The following FOXJ3 variants were observed in gnomAD, a reference collection of about 807,000 sequenced individuals.
FOXJ3 encodes the protein forkhead box J3, also known as forkhead box protein J3.
Under a neutral mutation model 76.1 loss-of-function variants are expected in FOXJ3, and 22 were observed. That is an observed-to-expected ratio of 0.29 (90% CI 0.21 to 0.41). FOXJ3 has a LOEUF of 0.41. Ranked by LOEUF, FOXJ3 falls within the 10% of genes least tolerant of loss-of-function variation. The probability of loss-of-function intolerance (pLI) is 1.00; values close to 1 mark genes in which losing one functional copy is unlikely to be tolerated. For synonymous variants in FOXJ3, 269 were observed against 261.2 expected (o/e 1.03, Z -0.29); for missense variants, 613 against 762.1 (o/e 0.80, Z 2.30).
At chr1:42,290,494 T>C (rs1377199766) in intron 2 of FOXJ3, among the ~76,000 whole-genome samples, 1 of 152,080 alleles carries the variant, frequency 6.6e-6, no homozygotes, top group Non-Finnish European at 1.5e-5. Flanking sequence ...ACTATTTGGG[T>C]TGTTCACTAA....
intron 2 of FOXJ3, among the ~76,000 whole-genome samples, chr1:42,280,789 T>C (rs534353397): frequency 2.0e-4 from 30 of 152,312 alleles, no homozygotes; most frequent in African/African-American, 6.5e-4. Flanking sequence ...TGTAAAGTAT[T>C]CAGAACAGTG....
At chr1:42,324,100 C>A (rs1326908511) in intron 1 of FOXJ3, among the ~76,000 whole-genome samples, 1 of 57,494 alleles carries the variant, frequency 1.7e-5, no homozygotes, top group Non-Finnish European at 3.6e-5. Context: ...TGTATATATA[C>A]TGTGTATATA....
chr1:42,216,241 G>C (rs948233071), intron 5 of FOXJ3, among the ~76,000 whole-genome samples: 1 of 152,014 alleles, frequency 6.6e-6, no homozygotes, highest in Non-Finnish European at 1.5e-5. Context: ...TACTGTTGCC[G>C]GGCGCGGTGG....
intron 4 of FOXJ3, among the ~76,000 whole-genome samples, chr1:42,264,767 G>A (rs1422467614): frequency 2.0e-5 from 3 of 152,106 alleles, no homozygotes; most frequent in African/African-American, 4.8e-5. Flanking sequence ...TTATTCCAGT[G>A]TAAGAATACT....
intron 2 of FOXJ3, among the ~76,000 whole-genome samples, chr1:42,302,241 T>C (rs1354097914): frequency 6.6e-6 from 1 of 152,230 alleles, no homozygotes; most frequent in Non-Finnish European, 1.5e-5. Context: ...GATTTTCTAC[T>C]GTGTCATGCA....
At chr1:42,300,056 CA>C (rs1190951676) in intron 2 of FOXJ3, among the ~76,000 whole-genome samples, 1 of 151,958 alleles carries the variant, frequency 6.6e-6, no homozygotes, top group Non-Finnish European at 1.5e-5. Flanking sequence ...TAAAATTAGC[CA>C]GGTGTGGTGG....
intron 1 of FOXJ3, among the ~76,000 whole-genome samples, chr1:42,324,078 T>C (rs369268031): frequency 0.011 from 793 of 71,228 alleles, 17 homozygotes; most frequent in African/African-American, 0.036. Context: ...AGTGTATATA[T>C]AGTATATATA....
At chr1:42,299,951 C>T (rs550674471) in intron 2 of FOXJ3, among the ~76,000 whole-genome samples, 26 of 152,036 alleles carry the variant, frequency 1.7e-4, no homozygotes, top group African/African-American at 5.3e-4. Flanking sequence ...CACCGTAATC[C>T]GAGCACTTTG....
intron 2 of FOXJ3, among the ~76,000 whole-genome samples, chr1:42,305,681 G>A (rs1251141834): frequency 6.6e-6 from 1 of 152,188 alleles, no homozygotes; most frequent in East Asian, 1.9e-4. Context: ...CGGAGATAGA[G>A]AGTAGAAGGA....
chr1:42,295,942 C>T (rs1284673676), intron 2 of FOXJ3, among the ~76,000 whole-genome samples: 1 of 152,178 alleles, frequency 6.6e-6, no homozygotes, highest in Non-Finnish European at 1.5e-5. Flanking sequence ...CCATAGTTTT[C>T]CACAGAGGTT....
At chr1:42,253,999 A>G (rs1330018250) in intron 4 of FOXJ3, among the ~76,000 whole-genome samples, 2 of 151,108 alleles carry the variant, frequency 1.3e-5, no homozygotes, top group East Asian at 1.9e-4. Context: ...TGCACAGCAA[A>G]AGAAACTACC....
chr1:42,250,354 C>A (rs948246053), intron 4 of FOXJ3, among the ~76,000 whole-genome samples: 2 of 152,120 alleles, frequency 1.3e-5, no homozygotes, highest in Non-Finnish European at 2.9e-5. Context: ...AAGGATAATA[C>A]GTCATACCCT....
chr1:42,241,627 G>A (rs1649150938), intron 4 of FOXJ3, among the ~76,000 whole-genome samples: 1 of 152,164 alleles, frequency 6.6e-6, no homozygotes, highest in African/African-American at 2.4e-5. Context: ...GATACATGAG[G>A]TCTGGGGAAT....
At chr1:42,255,294 T>C (rs1570068253) in intron 4 of FOXJ3, among the ~76,000 whole-genome samples, 1 of 152,114 alleles carries the variant, frequency 6.6e-6, no homozygotes, top group African/African-American at 2.4e-5. Context: ...GGTAGTATAA[T>C]ATTACCTCCA....
At chr1:42,265,304 G>T (rs564410964) in intron 3 of FOXJ3, 115 bp from the exon 4 acceptor site, 28 of 555,122 alleles carry the variant, frequency 5.0e-5, no homozygotes, top group African/African-American at 4.9e-4. Context: ...AATTACAAAT[G>T]GAATAAACTT....
At chr1:42,192,547 G>A (rs1646570326) in intron 8 of FOXJ3, among the ~76,000 whole-genome samples, 1 of 152,168 alleles carries the variant, frequency 6.6e-6, no homozygotes, top group Non-Finnish European at 1.5e-5. Context: ...ACATAGTGAA[G>A]GTGTAAGCTG....
At chr1:42,214,744 G>A (rs1389834711) in intron 5 of FOXJ3, among the ~76,000 whole-genome samples, 3 of 152,144 alleles carry the variant, frequency 2.0e-5, no homozygotes, top group South Asian at 4.1e-4. Flanking sequence ...CTGTTCTTCC[G>A]TCAGGAGGAA....
At chr1:42,181,616 T>C (rs1646320340) in intron 12 of FOXJ3, among the ~76,000 whole-genome samples, 1 of 152,246 alleles carries the variant, frequency 6.6e-6, no homozygotes, top group Admixed American at 6.5e-5. Flanking sequence ...AAACTCCAAC[T>C]GATGCTTGAA....
intron 1 of FOXJ3, among the ~76,000 whole-genome samples, chr1:42,312,435 A>G (rs1269583430): frequency 6.6e-6 from 1 of 152,200 alleles, no homozygotes; most frequent in Admixed American, 6.5e-5. Flanking sequence ...TTTGGTTTAG[A>G]AGGTGATTGA....
Sources: allele counts gnomAD v4.1 joint callset (sites outside exome capture counted in the v4.1 genomes callset), GRCh38; gene constraint gnomAD v4.1.1; transcripts MANE v1.5; gene names NCBI Gene and HGNC (gene_info 2026-07-23, HGNC 2026-07-21).